The following SHOC2 variants were observed in gnomAD, a reference collection of about 807,000 sequenced individuals.
SHOC2 encodes the protein SHOC2 leucine rich repeat scaffold protein.
Under a neutral mutation model 50.2 loss-of-function variants are expected in SHOC2, and 4 were observed. The observed-to-expected ratio is 0.08, with a 90% CI of 0.04 to 0.18. SHOC2 has a LOEUF of 0.18. Among genes scored for constraint, SHOC2 ranks in the 10% least tolerant of loss-of-function variants. The pLI, the probability that SHOC2 is intolerant of heterozygous loss-of-function variation, is 1.00. For missense variants in SHOC2, 388 were observed against 669.6 expected (o/e 0.58, Z 4.64); for synonymous variants, 218 against 244.5 (o/e 0.89, Z 1.01).
intron 2 of SHOC2, among the ~76,000 whole-genome samples, chr10:110,980,809 A>G (rs1847962554): frequency 6.7e-6 from 1 of 150,358 alleles, no homozygotes; most frequent in Non-Finnish European, 1.5e-5. Context: ...TTTCACCCCA[A>G]CTTCCCCCAA....
intron 1 of SHOC2, among the ~76,000 whole-genome samples, chr10:110,939,170 T>A (rs1056895822): frequency 6.6e-6 from 1 of 152,176 alleles, no homozygotes; most frequent in African/African-American, 2.4e-5. Flanking sequence ...CCAAACCCTA[T>A]AACTCCAGAT....
intron 2 of SHOC2, among the ~76,000 whole-genome samples, chr10:110,967,124 C>T (rs181719156): frequency 9.2e-5 from 14 of 152,160 alleles, no homozygotes; most frequent in African/African-American, 1.9e-4. Flanking sequence ...TTGTTCTGTC[C>T]GTGTATACTT....
intron 3 of SHOC2, among the ~76,000 whole-genome samples, chr10:110,987,560 A>C (rs756074001): frequency 7.2e-5 from 11 of 152,204 alleles, no homozygotes; most frequent in Non-Finnish European, 5.9e-5. Flanking sequence ...ACACATAATG[A>C]ATTATTCTAT....
intron 1 of SHOC2, among the ~76,000 whole-genome samples, chr10:110,926,869 A>G (rs780228875): frequency 1.1e-4 from 17 of 152,198 alleles, no homozygotes; most frequent in Non-Finnish European, 2.1e-4. Context: ...TTATTGAACA[A>G]AATTTAAGTT....
At chr10:111,008,046 G>A (rs1848502054) in intron 6 of SHOC2, among the ~76,000 whole-genome samples, 1 of 149,472 alleles carries the variant, frequency 6.7e-6, no homozygotes, top group Non-Finnish European at 1.5e-5. Flanking sequence ...CCTAATTACC[G>A]ACCTGCTATT....
rs555690035 is a variant in SHOC2, at chr10:110,925,508, G to A, written c.-235+5851G>A. 6.6e-5 allele frequency among the ~76,000 whole-genome samples: 10 copies of A among 152,248 alleles called. 1 individual carries two copies. The highest frequency in any genetic ancestry group is 2.0e-4 in the Admixed American group (3 of 15,294). On this transcript the variant is annotated intron_variant, in intron 1 of 8. Transcript: ENST00000369452. ...CTCGCTCTGTCACCCAGACTAGAGT[G>A]CAGTGGCACAATCATGGGGCTCATT...
chr10:110,934,352 A>T (rs556196357), intron 1 of SHOC2, among the ~76,000 whole-genome samples: 4 of 152,338 alleles, frequency 2.6e-5, no homozygotes, highest in South Asian at 4.1e-4. Context: ...GGAATGATTA[A>T]ATTATGATAT....
chr10:111,006,515 C>G (rs989877698), intron 5 of SHOC2, among the ~76,000 whole-genome samples: 1 of 151,538 alleles, frequency 6.6e-6, no homozygotes, highest in Non-Finnish European at 1.5e-5. Flanking sequence ...GGACTACAGG[C>G]GCCCGCCACT....
At chr10:110,954,795 T>C (rs764720465) in intron 1 of SHOC2, among the ~76,000 whole-genome samples, 65 of 151,958 alleles carry the variant, frequency 4.3e-4, no homozygotes, top group Non-Finnish European at 9.1e-4. Flanking sequence ...TTATAAAGAG[T>C]CAGCCATGTG....
intron 1 of SHOC2, chr10:110,936,835 T>A (rs1386467608): frequency 7.5e-7 from 1 of 1,327,434 alleles, no homozygotes; most frequent in African/African-American, 1.4e-5. Context: ...AGGCAAACTT[T>A]CTTGTAGGCT....
chr10:110,954,417 A>G (rs967233255), intron 1 of SHOC2, among the ~76,000 whole-genome samples: 27 of 152,158 alleles, frequency 1.8e-4, no homozygotes, highest in Admixed American at 2.6e-4. Flanking sequence ...TTAGCATCAA[A>G]ATAAAGGGGT....
Position 110,964,835 on chromosome 10 carries a change from C to G in SHOC2, c.477C>G (p.Thr159=). Residue 159 remains threonine, a synonymous_variant, in exon 2 of 9, where the codon ACC becomes ACG. Transcript: ENST00000369452. This position sits in a 1 kb window ranked among gnomAD's most constrained non-coding sequence, Gnocchi z 4.9. The stretch of plus-strand genomic sequence containing the variant: ...TGGCTCTAAGTGAAAATTCACTTAC[C>G]AGTTTGCCTGACTCTCTTGATAACT... The part of the protein sequence containing the change: ...MTLALSENSL[T]SLPDSLDNLK... The G allele has an allele frequency of 6.2e-7, 1 of 1,613,938 alleles. No individual in the cohort carries two copies. The highest frequency in any genetic ancestry group is 8.5e-7 in the Non-Finnish European group (1 of 1,179,908).
chr10:110,955,744 A>G (rs1262299977), intron 1 of SHOC2, among the ~76,000 whole-genome samples: 1 of 152,226 alleles, frequency 6.6e-6, no homozygotes, highest in Admixed American at 6.5e-5. Context: ...AAAATATTAT[A>G]ATTTCTTTTT....
chr10:110,991,735 A>G (rs891395990), intron 3 of SHOC2, among the ~76,000 whole-genome samples: 2 of 152,194 alleles, frequency 1.3e-5, no homozygotes, highest in African/African-American at 4.8e-5. Context: ...TCTGTTAAAA[A>G]TTTCAACAGT....
chr10:111,007,937 A>G (rs549507532), intron 6 of SHOC2, among the ~76,000 whole-genome samples: 5 of 151,794 alleles, frequency 3.3e-5, no homozygotes, highest in Admixed American at 1.3e-4. Flanking sequence ...TTTTAGAACA[A>G]TTTTTTTCTT....
At chr10:110,945,075 T>C (rs1847221937) in intron 1 of SHOC2, among the ~76,000 whole-genome samples, 1 of 152,242 alleles carries the variant, frequency 6.6e-6, no homozygotes, top group Non-Finnish European at 1.5e-5. Context: ...GTTACGGGTA[T>C]TTCATTCTCA....
At chr10:110,961,941 C>G (rs1847579930) in intron 1 of SHOC2, among the ~76,000 whole-genome samples, 1 of 151,908 alleles carries the variant, frequency 6.6e-6, no homozygotes. Context: ...ACTTGATAAG[C>G]TTTTGTTGAG....
intron 2 of SHOC2, among the ~76,000 whole-genome samples, chr10:110,973,741 C>T (rs552590961): frequency 6.6e-6 from 1 of 151,930 alleles, no homozygotes; most frequent in Non-Finnish European, 1.5e-5. Context: ...CATAGTTATT[C>T]AGGTTTTCTA....
At chr10:110,924,971 T>C (rs1213416658) in intron 1 of SHOC2, among the ~76,000 whole-genome samples, 2 of 146,994 alleles carry the variant, frequency 1.4e-5, no homozygotes, top group Non-Finnish European at 3.0e-5. Context: ...CTCGGGAGGC[T>C]GAGGCAGGAG....
Sources: gnomAD v4.1 joint callset for allele counts (sites outside exome capture counted in the v4.1 genomes callset) on GRCh38, gnomAD v4.1.1 for gene constraint, Gnocchi (gnomAD v3.1) non-coding constraint, MANE v1.5 for transcripts, NCBI Gene and HGNC (gene_info 2026-07-23, HGNC 2026-07-21) for gene names.